SETD2: variants seen among roughly 807,000 people sequenced by gnomAD.
SETD2 encodes the protein SET domain containing 2, histone lysine methyltransferase.
A neutral mutation model predicts 242.1 loss-of-function variants in SETD2; 31 were observed. That is an observed-to-expected ratio of 0.13 (90% confidence interval 0.10 to 0.17). SETD2 has a LOEUF of 0.17. Ranked by LOEUF, SETD2 falls within the 10% of genes least tolerant of loss-of-function variation. The pLI is 1.00. For missense variants in SETD2, 2,481 were observed against 3,046.3 expected, an observed-to-expected ratio of 0.81 and a Z score of 4.37; for synonymous variants, 1,006 against 1,066.5, an observed-to-expected ratio of 0.94 and a Z score of 1.11.
rs768154988 is a variant in SETD2 at position 47,042,662 on chromosome 3, C to T, written c.7137G>A (p.Pro2379=). The change falls in exon 17 of 21, where the codon CCG becomes CCA. Residue 2379 remains proline (P), a synonymous_variant. Transcript: ENST00000409792. ...TTTTTGGTTTGGGAGGAGAGGGGGG[C>T]GGCAGATCCAAGAGATTATTTGTCA... ...MVVTNNLLDL[P]PPSPPKPKTI... 23 of 1,610,676 alleles carry T rather than the reference C, an allele frequency of 1.4e-5. 1 individual carries two copies. In the African/African-American group the frequency reaches 1.5e-4, roughly 10 times the overall value.
At position 47,124,180 on chromosome 3, in the gene SETD2, T is replaced by C. The variant is rs2043232561; in HGVS notation, c.456A>G (p.Thr152=). 2 of 1,551,792 alleles carry C rather than the reference T, an allele frequency of 1.3e-6. No individual in the cohort carries two copies. Among genetic ancestry groups the C allele is most frequent in the South Asian group, 1.2e-5 (1 of 84,068 alleles). Reference sequence around the variant, plus strand: ...TGGTAGTAGCCAGCAGTGGCCTGGATGTTACATGAAGCAGATGTTTCTTAA... The same window carrying C: ...TGGTAGTAGCCAGCAGTGGCCTGGACGTTACATGAAGCAGATGTTTCTTAA... ...IHFKKHLLHV[T]SRPLLATTTA... Residue 152 remains threonine (T), a synonymous_variant, in exon 3 of 21, where the codon ACA becomes ACG. Coordinates refer to ENST00000409792, the MANE Select transcript of SETD2 (RefSeq NM_014159.7).
Position 47,048,396 on chromosome 3 carries a change from C to T in SETD2, c.6964-1775G>A, listed in dbSNP as rs892722246. ...AGAGCGAGATGCCGTCTCAAAAAAA[C>T]AAAATTTAAATGGTACACCTGTATA... is the stretch of plus-strand genomic sequence containing the variant. On this transcript the variant is annotated intron_variant, in intron 15 of 20. Coordinates refer to ENST00000409792, the MANE Select transcript of SETD2 (RefSeq NM_014159.7). Among the ~76,000 whole-genome samples the T allele has an allele frequency of 8.9e-4, 136 of 151,984 alleles. 1 individual carries two copies. The highest frequency in any genetic ancestry group is 1.0e-4 in the Non-Finnish European group (7 of 67,938).
Position 47,057,439 on chromosome 3 carries a change from T to C in SETD2, c.6345A>G (p.Lys2115=). The stretch of plus-strand genomic sequence containing the variant: ...ACTTCCGGCGTTCCTCTGTAGAAAG[T>C]TTATTGCGGTCTTTAATTCGTACTT... ...KKKVRIKDRN[K]LSTEERRKLF... Residue 2115 remains lysine, a synonymous_variant, in exon 15 of 21, where the codon AAA becomes AAG. Coordinates refer to ENST00000409792, the MANE Select transcript of SETD2 (RefSeq NM_014159.7). 1 of 1,614,216 alleles carries C rather than the reference T, an allele frequency of 6.2e-7. No individual in the cohort carries two copies. Among genetic ancestry groups the C allele is most frequent in the Non-Finnish European group, 8.5e-7 (1 of 1,180,034 alleles).
intron 18 of SETD2, among the ~76,000 whole-genome samples, chr3:47,024,647 G>A (rs959537563): frequency 7.9e-5 from 12 of 152,160 alleles, no homozygotes; most frequent in East Asian, 5.8e-4. Context: ...GCAAGACCCC[G>A]TTTGAAAAAT....
chr3:47,123,741 T>G lies in SETD2; in HGVS notation c.895A>C (p.Ser299Arg), dbSNP rs2043205357. The G allele has an allele frequency of 6.4e-7, 1 of 1,550,700 alleles. No homozygotes were observed. The highest frequency in any genetic ancestry group is 8.7e-7 in the Non-Finnish European group (1 of 1,146,652). The stretch of plus-strand genomic sequence containing the variant: ...GAACCTGTTTTTTTACAGCTCAGAC[T>G]AATCTTAGAACTATCTGGAATTTCT... ...DEEIPDSSKI[S>R]LSCKKTGSKK... Residue 299 changes from serine to arginine, a missense_variant, in exon 3 of 21, where the codon AGT becomes CGT. Coordinates refer to ENST00000409792, the MANE Select transcript of SETD2 (RefSeq NM_014159.7).
intron 17 of SETD2, among the ~76,000 whole-genome samples, chr3:47,039,758 G>C (rs1193229788): frequency 6.9e-6 from 1 of 145,706 alleles, no homozygotes; most frequent in East Asian, 2.2e-4. Context: ...GCAGGTGCCT[G>C]TAATCCCTGC....
At chr3:47,154,789 C>T (rs548267194) in intron 1 of SETD2, among the ~76,000 whole-genome samples, 2 of 152,064 alleles carry the variant, frequency 1.3e-5, no homozygotes, top group Non-Finnish European at 2.9e-5. Flanking sequence ...GTCAGGAGAT[C>T]GAGACCATCC....
At chr3:47,109,875 A>G (rs953325241) in intron 5 of SETD2, among the ~76,000 whole-genome samples, 1 of 151,610 alleles carries the variant, frequency 6.6e-6, no homozygotes, top group African/African-American at 2.4e-5. Context: ...AATCCCAGCT[A>G]CTCAGGAGGC....
rs2043229978 is a variant in SETD2, at chr3:47,124,131, G to T, written c.505C>A (p.His169Asn). Reference sequence around the variant, plus strand: ...ATCACTGCTGGTAATGGTGCTGCATGAGTAGGTGGAGATGCTACTGCTGTG... The same window carrying T: ...ATCACTGCTGGTAATGGTGCTGCATTAGTAGGTGGAGATGCTACTGCTGTG... ...TTTAVASPPTHAAPLPAVIAE... is the reference protein window; with the variant it reads ...TTTAVASPPTNAAPLPAVIAE... The change falls in exon 3 of 21, where the codon CAT becomes AAT. Residue 169 changes from histidine (H) to asparagine (N), a missense_variant. Transcript: ENST00000409792. The T allele has an allele frequency of 1.3e-6, 2 of 1,552,006 alleles. No individual in the cohort carries two copies. Among genetic ancestry groups the T allele is most frequent in the Non-Finnish European group, 1.7e-6 (2 of 1,147,044 alleles).
In SETD2 at chr3:47,089,438, T is replaced by C. The variant is rs117596502; in HGVS notation, c.5143-1191A>G. Among the ~76,000 whole-genome samples the C allele has an allele frequency of 3.5e-3, 539 of 152,064 alleles. 4 individuals are homozygous for C. Among genetic ancestry groups the C allele is most frequent in the East Asian group, 0.016 (84 of 5,176 alleles). The stretch of plus-strand genomic sequence containing the variant: ...CTCCAGCCTGGGTGACACAGTGAAA[T>C]CCTGTCTCAAAAAAAGGCAAGGAAG... On this transcript the variant is annotated intron_variant, in intron 9 of 20. Coordinates refer to ENST00000409792, the MANE Select transcript of SETD2 (RefSeq NM_014159.7).
intron 1 of SETD2, among the ~76,000 whole-genome samples, chr3:47,160,016 TTTA>T (rs1251199680): frequency 1.6e-4 from 24 of 151,476 alleles, no homozygotes; most frequent in Admixed American, 1.4e-3. Context: ...CCTAACCCAG[TTTA>T]TTATTACACC....
At chr3:47,064,473 C>A in intron 13 of SETD2, 1 of 183,788 alleles carries the variant, frequency 5.4e-6, no homozygotes. Context: ...CCTGCAAACC[C>A]AGGTTTCTTA....
intron 9 of SETD2, among the ~76,000 whole-genome samples, chr3:47,094,806 A>G (rs533828436): frequency 1.5e-3 from 228 of 152,320 alleles, no homozygotes; most frequent in African/African-American, 4.5e-3. Context: ...CTTCAAATTC[A>G]TATCTGGAGC....
intron 18 of SETD2, among the ~76,000 whole-genome samples, chr3:47,032,186 C>T (rs2038799707): frequency 6.6e-6 from 1 of 152,166 alleles, no homozygotes; most frequent in South Asian, 2.1e-4. Flanking sequence ...CCACACCAAA[C>T]TTTGAGAACC....
chr3:47,132,701 T>A lies in SETD2; in HGVS notation c.72-6038A>T, dbSNP rs542758487. 2.4e-4 allele frequency among the ~76,000 whole-genome samples: 37 copies of A among 152,330 alleles called. 1 individual carries two copies. In the Middle Eastern group the frequency reaches 0.01, roughly 42 times the overall value. The stretch of plus-strand genomic sequence containing the variant: ...TCAGAAATAGCTTTTTACTTTACCT[T>A]GATTTTAATAAGCAAAGACTTCAAA... On this transcript the variant is annotated intron_variant, in intron 1 of 20. Transcript: ENST00000409792.
In SETD2 at chr3:47,120,441, T is replaced by C. The variant is rs2107741626; in HGVS notation, c.4195A>G (p.Lys1399Glu). ...CTTTTTTTAAGAGGCCCTCTATCTT[T>C]GATATCATTTTTTTCTAAGTTTTTT... ...FSKNLEKNDI[K>E]DRGPLKKRRQ... Residue 1399 changes from lysine to glutamate, a missense_variant, in exon 3 of 21, where the codon AAA becomes GAA. By Grantham distance (56) the Lys-to-Glu change is moderately conservative. This residue lies in a region of SETD2 where 1,300 missense variants were observed against 1,259.2 expected (regional missense o/e 1.03). Coordinates refer to ENST00000409792, the MANE Select transcript of SETD2 (RefSeq NM_014159.7). 2 of 1,613,278 alleles carry C rather than the reference T, an allele frequency of 1.2e-6. No individual in the cohort carries two copies. Among genetic ancestry groups the C allele is most frequent in the Non-Finnish European group, 1.7e-6 (2 of 1,179,804 alleles).
intron 1 of SETD2, among the ~76,000 whole-genome samples, chr3:47,161,299 T>C (rs1433839713): frequency 6.6e-6 from 1 of 152,094 alleles, no homozygotes; most frequent in Non-Finnish European, 1.5e-5. Context: ...TTATAATACC[T>C]ATATAAAAGA....
rs2106691694 is a variant in SETD2, at chr3:47,122,957, G to C, written c.1679C>G (p.Ser560Ter). The change falls in exon 3 of 21, where the codon TCA becomes TGA. Residue 560 changes from serine (S) to a stop codon, truncating the protein, a stop_gained. Coordinates refer to ENST00000409792, the MANE Select transcript of SETD2 (RefSeq NM_014159.7). LOFTEE classifies it high-confidence loss of function. The stretch of plus-strand genomic sequence containing the variant: ...TTTATCAGACTTGGGTATAGGTTTT[G>C]AAAGGGTAGATTTATAACGGGAAGC... ...SSASRYKSTLSKPIPKSDKFK... is the reference protein window; with the variant it reads ...SSASRYKSTL 6.2e-7 allele frequency: 1 copy of C among 1,613,686 alleles called. No homozygotes were observed. Among genetic ancestry groups the C allele is most frequent in the African/African-American group, 1.3e-5 (1 of 75,024 alleles).
intron 17 of SETD2, 50 bp from the exon 18 acceptor site, chr3:47,037,827 TC>T (rs750096304): frequency 7.7e-7 from 1 of 1,298,188 alleles, no homozygotes; most frequent in Non-Finnish European, 1.1e-6. Flanking sequence ...AAACAGAGAA[TC>T]CTGACATAAA....
Sources: gnomAD v4.1 joint callset for allele counts (sites outside exome capture counted in the v4.1 genomes callset) on GRCh38, gnomAD v4.1.1 for gene constraint, gnomAD v4.1.1 regional missense constraint, MANE v1.5 for transcripts, NCBI Gene and HGNC (gene_info 2026-07-23, HGNC 2026-07-21) for gene names.